The following LAT2 variants were observed in gnomAD, a reference collection of about 807,000 sequenced individuals.
LAT2 encodes linker for activation of T-cells family member 2.
A neutral mutation model predicts 43.4 loss-of-function variants in LAT2; 23 were observed. The observed-to-expected ratio is 0.53, with a 90% CI of 0.38 to 0.75. The LOEUF is 0.75. LAT2 is among the 30% of genes least tolerant of loss of function. The probability of loss-of-function intolerance (pLI) is 0.00; values close to 1 mark genes in which losing one functional copy is unlikely to be tolerated. For synonymous variants in LAT2, 128 were observed against 123.2 expected, an observed-to-expected ratio of 1.04 and a Z score of -0.26; for missense variants, 284 against 310.2, an observed-to-expected ratio of 0.92 and a Z score of 0.64.
chr7:74,216,129 C>T, intron 3 of LAT2, 60 bp downstream of exon 3: 1 of 1,382,608 alleles, frequency 7.2e-7, no homozygotes, highest in Non-Finnish European at 9.9e-7. Context: ...TCTCAGAGGC[C>T]CTCTCAGGCC....
chr7:74,229,051 AAGG>A lies in LAT2; in HGVS notation c.*129_*131del, dbSNP rs1396248929. 6.6e-6 allele frequency: 1 copy of A among 152,300 alleles called. No individual in the cohort carries two copies. Among genetic ancestry groups the A allele is most frequent in the East Asian group, 1.9e-4 (1 of 5,192 alleles). The allele number at this position is 152,300 out of a possible 1,614,324, so 9.4% of individuals were successfully genotyped here. On this transcript the variant is annotated 3_prime_UTR_variant, in exon 14 of 14. Transcript: ENST00000460943. ...AAGCCCCTGCCATGGTTGCTCCTGG[AAGG>A]AGAACCAGCCACCCTGAGGACCACC... is the stretch of plus-strand genomic sequence containing the variant.
intron 1 of LAT2, among the ~76,000 whole-genome samples, chr7:74,213,568 G>A (rs1468593283): frequency 2.0e-5 from 3 of 151,910 alleles, no homozygotes; most frequent in African/African-American, 7.3e-5. Flanking sequence ...GGGATCACAG[G>A]CGTGTGCCAC....
chr7:74,223,513 C>T (rs538551048), intron 10 of LAT2, among the ~76,000 whole-genome samples: 2 of 152,128 alleles, frequency 1.3e-5, no homozygotes, highest in Admixed American at 6.6e-5. Context: ...GACAGAGGAG[C>T]TCAGGGCTCA....
intron 11 of LAT2, 117 bp downstream of exon 11, chr7:74,223,900 C>G: frequency 6.8e-7 from 1 of 1,474,044 alleles, no homozygotes; most frequent in Non-Finnish European, 9.4e-7. Flanking sequence ...TGAAGGCTCT[C>G]GGATCCCCAG....
In LAT2 at chr7:74,221,718, T is replaced by G. The variant is rs200399943; in HGVS notation, c.388+26T>G. On this transcript the variant is annotated intron_variant, in intron 10 of 13. Coordinates refer to ENST00000460943, the MANE Select transcript of LAT2 (RefSeq NM_032464.3). The stretch of plus-strand genomic sequence containing the variant: ...GTGAGGCGAAGGACAAAGCCGGAGG[T>G]GGAGGAAGTGGTGTGGGAGCTCAGG... 0.011 allele frequency: 17,119 copies of G among 1,600,010 alleles called. 1,369 individuals are homozygous for G. In the African/African-American group the frequency reaches 0.18, roughly 17 times the overall value.
chr7:74,228,028 T>C (rs1554716363), intron 13 of LAT2, among the ~76,000 whole-genome samples: 1 of 148,358 alleles, frequency 6.7e-6, no homozygotes, highest in Admixed American at 6.8e-5. Context: ...ATACAAAAAT[T>C]AGCCAGGTGT....
Position 74,221,876 on chromosome 7 carries a change from AGCGTGGGAGAGCTGTGGGCACAGG to A in LAT2, c.388+196_388+219del, listed in dbSNP as rs1222573639. ...AGAAGGGATAGGGGGCGGGCGGGTC[AGCGTGGGAGAGCTGTGGGCACAGG>A]GCGTGGGAGAGAGGAGTGGGCCACA... is the stretch of plus-strand genomic sequence containing the variant. On this transcript the variant is annotated intron_variant, in intron 10 of 13. Coordinates refer to ENST00000460943, the MANE Select transcript of LAT2 (RefSeq NM_032464.3). 2.8e-5 allele frequency among the ~76,000 whole-genome samples: 4 copies of A among 144,280 alleles called. No homozygotes were observed. The Admixed American group carries it at 2.9e-4, about 10-fold the overall frequency. 94.7% of individuals were successfully genotyped at this position (144,280 alleles called of 152,430 possible). A position where few individuals can be genotyped will look rare whatever the true frequency, so the allele number is the denominator to read the frequency against.
In LAT2 at chr7:74,220,123, T is replaced by G. The variant is rs920063019; in HGVS notation, c.228-94T>G. On this transcript the variant is annotated intron_variant, in intron 6 of 13. Coordinates refer to ENST00000460943, the MANE Select transcript of LAT2 (RefSeq NM_032464.3). The surrounding 1 kb of genome is among the most constrained non-coding windows in gnomAD (Gnocchi z 4.5). ...GAGTCCCAGAGCTCCAGGGCTCAGC[T>G]ATGAAGGCCCCACAAGGGGTATGGG... 1.9e-6 allele frequency: 3 copies of G among 1,562,938 alleles called. No individual in the cohort carries two copies. Among genetic ancestry groups the G allele is most frequent in the Non-Finnish European group, 1.7e-6 (2 of 1,145,062 alleles).
intron 13 of LAT2, among the ~76,000 whole-genome samples, chr7:74,226,705 GT>G (rs1363891730): frequency 2.4e-4 from 36 of 152,238 alleles, no homozygotes; most frequent in African/African-American, 7.9e-4. Flanking sequence ...ATGTTCACTG[GT>G]GGTAAGTCTG....
intron 4 of LAT2, among the ~76,000 whole-genome samples, chr7:74,218,038 C>T (rs782001050): frequency 6.6e-6 from 1 of 152,194 alleles, no homozygotes; most frequent in Non-Finnish European, 1.5e-5. Flanking sequence ...GGACACTTCC[C>T]CTCTCCCCTC....
At chr7:74,228,682 G>C (rs1802585095) in intron 13 of LAT2, among the ~76,000 whole-genome samples, 2 of 151,180 alleles carry the variant, frequency 1.3e-5, no homozygotes, top group Admixed American at 6.6e-5. Flanking sequence ...CCAGCTACTT[G>C]GGAGGCTGAG....
Position 74,220,803 on chromosome 7 carries a change from C to T in LAT2, c.332+69C>T. 7.4e-7 allele frequency: 1 copy of T among 1,359,654 alleles called. No homozygotes were observed. The highest frequency in any genetic ancestry group is 9.9e-7 in the Non-Finnish European group (1 of 1,007,992). 84.2% of individuals were successfully genotyped at this position (1,359,654 alleles called of 1,614,324 possible). ...TGCCCCACCTCTCCCCCTGCCCCACCTCTCCCCCTGCCCCACCTGCCTGCC... is the reference window on the plus strand; with the variant it reads ...TGCCCCACCTCTCCCCCTGCCCCACTTCTCCCCCTGCCCCACCTGCCTGCC... On this transcript the variant is annotated intron_variant, in intron 9 of 13. Coordinates refer to ENST00000460943, the MANE Select transcript of LAT2 (RefSeq NM_032464.3). The surrounding 1 kb of genome is among the most constrained non-coding windows in gnomAD (Gnocchi z 4.5).
intron 3 of LAT2, among the ~76,000 whole-genome samples, chr7:74,216,381 C>CT (rs1356814741): frequency 6.6e-6 from 1 of 151,580 alleles, no homozygotes; most frequent in East Asian, 1.9e-4. Flanking sequence ...ACCCTTTTTT[C>CT]TTTTTTTTGG....
At chr7:74,224,600 G>A in intron 12 of LAT2, 39 bp from the exon 13 acceptor site, 2 of 1,530,934 alleles carry the variant, frequency 1.3e-6, no homozygotes, top group Non-Finnish European at 8.9e-7. Context: ...GTGTCTCCAT[G>A]TGAACCACTC....
chr7:74,223,563 G>A (rs1260480957), intron 10 of LAT2, among the ~76,000 whole-genome samples, 161 bp from the exon 11 acceptor site: 9 of 152,114 alleles, frequency 5.9e-5, no homozygotes, highest in African/African-American at 2.2e-4. Context: ...CACCCATTAG[G>A]AAGCTCATCC....
intron 4 of LAT2, among the ~76,000 whole-genome samples, chr7:74,218,183 T>C (rs1802112427): frequency 6.6e-6 from 1 of 152,180 alleles, no homozygotes; most frequent in African/African-American, 2.4e-5. Flanking sequence ...TGCCTCTCCA[T>C]CTGTCACCTC....
intron 11 of LAT2, 73 bp from the exon 12 acceptor site, chr7:74,223,945 C>A (rs556938978): frequency 1.3e-6 from 2 of 1,526,536 alleles, no homozygotes; most frequent in East Asian, 2.3e-5. Context: ...CTACTATCCT[C>A]GGAGGCAGCT....
Position 74,221,633 on chromosome 7 carries a change from C to T in LAT2, c.333-4C>T. ...ACCTGTGTTGTATATGTTTTCTTGG[C>T]CAGAGACCCCATTGCCATGGAGTAT... On this transcript the variant is annotated splice_region_variant and splice_polypyrimidine_tract_variant and intron_variant, in intron 9 of 13. Coordinates refer to ENST00000460943, the MANE Select transcript of LAT2 (RefSeq NM_032464.3). The T allele has an allele frequency of 6.2e-7, 1 of 1,612,772 alleles. No individual in the cohort carries two copies. Among genetic ancestry groups the T allele is most frequent in the Non-Finnish European group, 8.5e-7 (1 of 1,179,200 alleles).
chr7:74,227,482 A>G (rs1802534030), intron 13 of LAT2, among the ~76,000 whole-genome samples: 1 of 152,080 alleles, frequency 6.6e-6, no homozygotes. Context: ...AGCCTCCCCA[A>G]GTGCTGGGAT....
Sources: gnomAD v4.1 joint callset for allele counts (sites outside exome capture counted in the v4.1 genomes callset) on GRCh38, gnomAD v4.1.1 for gene constraint, Gnocchi (gnomAD v3.1) non-coding constraint, MANE v1.5 for transcripts, NCBI Gene and HGNC (gene_info 2026-07-23, HGNC 2026-07-21) for gene names.